PLAT: variants seen among roughly 807,000 people sequenced by gnomAD.
PLAT encodes the protein tissue-type plasminogen activator.
Under a neutral mutation model 74.9 loss-of-function variants are expected in PLAT, and 48 were observed. The observed-to-expected ratio is 0.64, with a 90% confidence interval of 0.51 to 0.82. PLAT has a LOEUF of 0.82. PLAT is among the 40% of genes least tolerant of loss of function. The pLI, the probability that PLAT is intolerant of heterozygous loss-of-function variation, is 0.00. For missense variants in PLAT, 673 were observed against 736.2 expected, an observed-to-expected ratio of 0.91 and a Z score of 0.99; for synonymous variants, 307 against 294.4, an observed-to-expected ratio of 1.04 and a Z score of -0.44.
intron 1 of PLAT, among the ~76,000 whole-genome samples, chr8:42,205,728 C>A (rs1423429581): frequency 6.6e-6 from 1 of 152,220 alleles, no homozygotes; most frequent in Admixed American, 6.5e-5. Flanking sequence ...ATCTTACATA[C>A]ATTGATTAAT....
Position 42,187,970 on chromosome 8 carries a change from G to GGCCT in PLAT, c.296_299dup (p.Leu101GlyfsTer21). 3 of 1,613,832 alleles carry GGCCT rather than the reference G, an allele frequency of 1.9e-6. No individual in the cohort carries two copies. The highest frequency in any genetic ancestry group is 2.5e-6 in the Non-Finnish European group (3 of 1,179,794). On this transcript the variant is annotated frameshift_variant, in exon 5 of 14. Coordinates refer to ENST00000220809, the MANE Select transcript of PLAT (RefSeq NM_000930.5). LOFTEE classifies it high-confidence loss of function. ...GGCACACGAAATCTGAGAAGTACAG[G>GGCCT]GCCTGCTGGCAGGTGCCCCCGTTGA... is the stretch of plus-strand genomic sequence containing the variant.
At chr8:42,192,165 G>A (rs1442859142) in intron 2 of PLAT, among the ~76,000 whole-genome samples, 1 of 151,480 alleles carries the variant, frequency 6.6e-6, no homozygotes, top group African/African-American at 2.4e-5. Flanking sequence ...TAGTACACCC[G>A]GCTAATTTTT....
At chr8:42,198,207 T>C (rs1339189000) in intron 1 of PLAT, among the ~76,000 whole-genome samples, 1 of 151,852 alleles carries the variant, frequency 6.6e-6, no homozygotes, top group Admixed American at 6.6e-5. Flanking sequence ...ATAGATTATA[T>C]GGCCAGGCAC....
intron 1 of PLAT, among the ~76,000 whole-genome samples, chr8:42,198,805 AAGTC>A (rs1424507835): frequency 5.3e-5 from 8 of 152,234 alleles, no homozygotes; most frequent in Non-Finnish European, 2.9e-5. Flanking sequence ...GAGCAAGAGA[AAGTC>A]AGTCTTCAAG....
At chr8:42,190,477 A>T (rs898390897) in intron 3 of PLAT, among the ~76,000 whole-genome samples, 2 of 152,220 alleles carry the variant, frequency 1.3e-5, no homozygotes, top group Non-Finnish European at 2.9e-5. Context: ...GCCAACTTAA[A>T]AAACAACAAC....
chr8:42,176,498 G>A (rs1804979836), intron 13 of PLAT, among the ~76,000 whole-genome samples: 1 of 152,218 alleles, frequency 6.6e-6, no homozygotes, highest in East Asian at 1.9e-4. Flanking sequence ...GGTCCCGCCT[G>A]GCGCCCTGAG....
rs8178782 is a variant in PLAT, at chr8:42,180,285, A to G, written c.1179T>C (p.Ile393=). 6.2e-7 allele frequency: 1 copy of G among 1,614,214 alleles called. No individual in the cohort carries two copies. Among genetic ancestry groups the G allele is most frequent in the Non-Finnish European group, 8.5e-7 (1 of 1,180,022 alleles). Residue 393 remains isoleucine, a synonymous_variant, in exon 11 of 14, where the codon ATT becomes ATC. Coordinates refer to ENST00000220809, the MANE Select transcript of PLAT (RefSeq NM_000930.5). ...TGTCATCATCGAATTCCTTATGGACAATGTATTTTTCGACTTCAAATTTCT... is the reference window on the plus strand; with the variant it reads ...TGTCATCATCGAATTCCTTATGGACGATGTATTTTTCGACTTCAAATTTCT... The part of the protein sequence containing the change: ...EEQKFEVEKY[I]VHKEFDDDTY...
At chr8:42,185,023 C>T in intron 7 of PLAT, 58 bp downstream of exon 7, 1 of 1,209,686 alleles carries the variant, frequency 8.3e-7, no homozygotes, top group Non-Finnish European at 1.2e-6. Context: ...TCGGCCTGTC[C>T]TCCTGGACTT....
intron 1 of PLAT, among the ~76,000 whole-genome samples, chr8:42,203,261 CA>C (rs974206926): frequency 1.3e-5 from 2 of 152,166 alleles, no homozygotes; most frequent in African/African-American, 4.8e-5. Context: ...GATCAATCCT[CA>C]AAAAAACTTC....
chr8:42,175,962 C>T lies in PLAT; in HGVS notation c.*31G>A. 6.2e-7 allele frequency: 1 copy of T among 1,610,322 alleles called. No individual in the cohort carries two copies. Among genetic ancestry groups the T allele is most frequent in the Non-Finnish European group, 8.5e-7 (1 of 1,177,122 alleles). Reference sequence around the variant, plus strand: ...TTCTGAAGAAGAAGAGGCGGGATCTCATTTGCTTTTGAGGAGTCGGGTGTT... The same window carrying T: ...TTCTGAAGAAGAAGAGGCGGGATCTTATTTGCTTTTGAGGAGTCGGGTGTT... On this transcript the variant is annotated 3_prime_UTR_variant, in exon 14 of 14. Transcript: ENST00000220809.
At chr8:42,195,827 T>C (rs1007528038) in intron 1 of PLAT, 1 of 152,170 alleles carries the variant, frequency 6.6e-6, no homozygotes, top group Non-Finnish European at 1.5e-5. Context: ...CCCCACTCCT[T>C]ACTCTTAAGC....
intron 8 of PLAT, chr8:42,182,285 G>A (rs1385572922): frequency 2.8e-5 from 11 of 399,100 alleles, no homozygotes; most frequent in Non-Finnish European, 4.7e-5. Context: ...GAAAACCACT[G>A]AGCTGGGAGG....
At chr8:42,192,106 C>G (rs995675486) in intron 2 of PLAT, among the ~76,000 whole-genome samples, 2 of 150,656 alleles carry the variant, frequency 1.3e-5, no homozygotes, top group Non-Finnish European at 2.9e-5. Context: ...TGAACTTAAG[C>G]GATCCTCCCG....
chr8:42,207,235 G>C (rs1024164269), intron 1 of PLAT, among the ~76,000 whole-genome samples: 1 of 152,112 alleles, frequency 6.6e-6, no homozygotes, highest in Non-Finnish European at 1.5e-5. Flanking sequence ...GTCAGCAGAG[G>C]CTTCTCCAAT....
chr8:42,206,840 A>G (rs1271369046), intron 1 of PLAT: 1 of 152,264 alleles, frequency 6.6e-6, no homozygotes, highest in Non-Finnish European at 1.5e-5. Flanking sequence ...AGGACTGCAC[A>G]CTTGACTGAT....
At chr8:42,179,794 G>T (rs1228678834) in intron 12 of PLAT, 132 bp downstream of exon 12, 26 of 895,484 alleles carry the variant, frequency 2.9e-5, no homozygotes, top group Non-Finnish European at 2.8e-5. Context: ...CACGACACAG[G>T]GAGACGGGAC....
At chr8:42,188,792 T>C in intron 4 of PLAT, 142 bp downstream of exon 4, 1 of 696,366 alleles carries the variant, frequency 1.4e-6, no homozygotes, top group East Asian at 2.5e-5. Context: ...CTGGCTAATT[T>C]TTTTATTTTT....
intron 9 of PLAT, 24 bp from the exon 10 acceptor site, chr8:42,180,709 C>T (rs953671490): frequency 6.5e-7 from 1 of 1,535,920 alleles, no homozygotes. Context: ...GACGAGGAGG[C>T]AGTCAGTCCC....
Position 42,192,484 on chromosome 8 carries a change from A to G in PLAT, c.72+630T>C, listed in dbSNP as rs117610353. 3.0e-4 allele frequency among the ~76,000 whole-genome samples: 45 copies of G among 152,292 alleles called. No individual in the cohort carries two copies. The East Asian group carries it at 6.9e-3, about 24-fold the overall frequency. The stretch of plus-strand genomic sequence containing the variant: ...TAGGAGTTTGGTGCTGCAGTGAGCT[A>G]TGATTGTGCCATTGCACTCCAGCCT... On this transcript the variant is annotated intron_variant, in intron 2 of 13. Transcript: ENST00000220809.
Sources: gnomAD v4.1 joint callset for allele counts (sites outside exome capture counted in the v4.1 genomes callset) on GRCh38, gnomAD v4.1.1 for gene constraint, MANE v1.5 for transcripts, NCBI Gene and HGNC (gene_info 2026-07-23, HGNC 2026-07-21) for gene names.